PHACTR3: variants seen among roughly 807,000 people sequenced by gnomAD.
The protein encoded by PHACTR3 is protein phosphatase 1, regulatory subunit 123.
In PHACTR3, 16 loss-of-function variants were observed where a neutral mutation model predicts 66.8. The ratio of observed to expected loss-of-function variants is 0.24; its 90% confidence interval spans 0.16 to 0.36. PHACTR3 has a LOEUF of 0.36. Among genes scored for constraint, PHACTR3 ranks in the 10% least tolerant of loss-of-function variants. The probability of loss-of-function intolerance (pLI) is 1.00; values close to 1 mark genes in which losing one functional copy is unlikely to be tolerated. For synonymous variants in PHACTR3, 323 were observed against 292.1 expected (o/e 1.11, Z -1.08); for missense variants, 647 against 719.9 (o/e 0.90, Z 1.16).
chr20:59,635,869 C>T (rs1044304280), intron 1 of PHACTR3, among the ~76,000 whole-genome samples: 9 of 152,152 alleles, frequency 5.9e-5, no homozygotes, highest in Non-Finnish European at 8.8e-5. Flanking sequence ...GGCAGGTCTC[C>T]GGGCTGCACA....
At chr20:59,682,129 C>G (rs1481626651) in intron 1 of PHACTR3, among the ~76,000 whole-genome samples, 3 of 152,150 alleles carry the variant, frequency 2.0e-5, no homozygotes, top group African/African-American at 7.2e-5. Context: ...CACTTGAGGC[C>G]AGGAGTTCGA....
intron 4 of PHACTR3, among the ~76,000 whole-genome samples, chr20:59,758,049 C>T (rs1450799594): frequency 1.3e-5 from 2 of 152,146 alleles, no homozygotes; most frequent in African/African-American, 4.8e-5. Flanking sequence ...GCAGCTGGAA[C>T]CCCCCAGGGA....
chr20:59,783,762 G>A (rs1252232924), intron 7 of PHACTR3, among the ~76,000 whole-genome samples: 1 of 152,232 alleles, frequency 6.6e-6, no homozygotes, highest in Non-Finnish European at 1.5e-5. Context: ...CCAGCCCGCA[G>A]GTGCCTGCAG....
At chr20:59,844,930 T>C in intron 11 of PHACTR3, 2 of 292,360 alleles carry the variant, frequency 6.8e-6, no homozygotes, top group Non-Finnish European at 1.3e-5. Flanking sequence ...ATATCACATG[T>C]ACCCTGTATA....
intron 1 of PHACTR3, among the ~76,000 whole-genome samples, chr20:59,687,811 G>C (rs1188608617): frequency 6.6e-6 from 1 of 151,920 alleles, no homozygotes; most frequent in Non-Finnish European, 1.5e-5. Context: ...ACTGTGCTAG[G>C]ACACGCTTTG....
intron 5 of PHACTR3, among the ~76,000 whole-genome samples, chr20:59,771,377 A>G (rs1164142933): frequency 6.6e-6 from 1 of 152,090 alleles, no homozygotes; most frequent in Non-Finnish European, 1.5e-5. Context: ...AGGACAGCGC[A>G]GTGTGCAGAA....
intron 1 of PHACTR3, among the ~76,000 whole-genome samples, chr20:59,594,512 G>C (rs2033270927): frequency 6.6e-6 from 1 of 152,056 alleles, no homozygotes; most frequent in Non-Finnish European, 1.5e-5. Flanking sequence ...TCTGAGTTTT[G>C]TCAGATTGTG....
At chr20:59,612,311 C>T (rs1364580388) in intron 1 of PHACTR3, among the ~76,000 whole-genome samples, 2 of 151,402 alleles carry the variant, frequency 1.3e-5, no homozygotes, top group Admixed American at 1.3e-4. Context: ...GGCGGAGCTG[C>T]TTCTTGCCCT....
intron 11 of PHACTR3, among the ~76,000 whole-genome samples, chr20:59,842,419 C>A (rs1487048274): frequency 6.6e-6 from 1 of 152,096 alleles, no homozygotes; most frequent in East Asian, 1.9e-4. Flanking sequence ...GACTAACTTG[C>A]CTGGTTCTTT....
chr20:59,679,859 C>A (rs2036580556), intron 1 of PHACTR3, among the ~76,000 whole-genome samples: 1 of 152,168 alleles, frequency 6.6e-6, no homozygotes, highest in Admixed American at 6.5e-5. Flanking sequence ...GATTCAGTTA[C>A]CTCCTGCTGG....
chr20:59,727,018 A>G (rs1224444977), intron 1 of PHACTR3, among the ~76,000 whole-genome samples: 1 of 152,124 alleles, frequency 6.6e-6, no homozygotes, highest in Non-Finnish European at 1.5e-5. Flanking sequence ...ATTGTTGCAA[A>G]ACCATCACTG....
intron 4 of PHACTR3, among the ~76,000 whole-genome samples, chr20:59,763,734 A>ACCTCCT (rs2040081696): frequency 6.6e-6 from 1 of 152,196 alleles, no homozygotes; most frequent in African/African-American, 2.4e-5. Flanking sequence ...ATCCTGGGGC[A>ACCTCCT]GCCCAGGTGG....
chr20:59,769,631 C>G lies in PHACTR3; in HGVS notation c.751+2236C>G, dbSNP rs368826616. On this transcript the variant is annotated intron_variant, in intron 5 of 12. Coordinates refer to ENST00000371015, the MANE Select transcript of PHACTR3 (RefSeq NM_080672.5). ...TGCCTCTCTCTAACCACCTGCCCCC[C>G]AGACAGTAGTCCCTGAGAGACGGCC... Among the ~76,000 whole-genome samples, 51 of 152,320 alleles carry G rather than the reference C, an allele frequency of 3.3e-4. No individual in the cohort carries two copies. The East Asian group carries it at 7.7e-3, about 23-fold the overall frequency.
At chr20:59,774,553 G>T (rs904266552) in intron 7 of PHACTR3, 63 bp downstream of exon 7, 1 of 1,563,300 alleles carries the variant, frequency 6.4e-7, no homozygotes, top group Non-Finnish European at 8.6e-7. Flanking sequence ...TCACCAGGGG[G>T]TCGAGGACAG....
chr20:59,730,634 C>T (rs2038729729), intron 1 of PHACTR3, among the ~76,000 whole-genome samples: 2 of 152,130 alleles, frequency 1.3e-5, no homozygotes. Context: ...GGATCCAAAA[C>T]CATTTATTCT....
At chr20:59,804,741 A>G (rs950880548) in intron 7 of PHACTR3, among the ~76,000 whole-genome samples, 2 of 152,234 alleles carry the variant, frequency 1.3e-5, no homozygotes, top group Non-Finnish European at 2.9e-5. Context: ...ATGGCAAACA[A>G]TCGCATGTTA....
chr20:59,753,396 C>T (rs575119831), intron 3 of PHACTR3, among the ~76,000 whole-genome samples: 17 of 152,310 alleles, frequency 1.1e-4, no homozygotes, highest in African/African-American at 4.1e-4. Flanking sequence ...GCAGCGATGA[C>T]AAGCTCAAAT....
At chr20:59,707,177 C>A (rs2037737600) in intron 1 of PHACTR3, among the ~76,000 whole-genome samples, 1 of 152,236 alleles carries the variant, frequency 6.6e-6, no homozygotes, top group Non-Finnish European at 1.5e-5. Context: ...GTGCCTGGCT[C>A]TGTGTCCATC....
intron 5 of PHACTR3, among the ~76,000 whole-genome samples, chr20:59,772,722 C>G (rs982205967): frequency 2.6e-5 from 4 of 152,158 alleles, no homozygotes; most frequent in Non-Finnish European, 5.9e-5. Flanking sequence ...CGAATCATGT[C>G]CTAAGGAAGA....
Sources: allele counts gnomAD v4.1 joint callset (sites outside exome capture counted in the v4.1 genomes callset), GRCh38; gene constraint gnomAD v4.1.1; transcripts MANE v1.5; gene names NCBI Gene and HGNC (gene_info 2026-07-23, HGNC 2026-07-21).